Variants in ELP4 observed in about 807,000 individuals in gnomAD.
The protein encoded by ELP4 is elongator complex protein 4.
A neutral mutation model predicts 48.9 loss-of-function variants in ELP4; 51 were observed. The observed-to-expected ratio is 1.04, with a 90% CI of 0.83 to 1.32. The LOEUF (loss-of-function observed/expected upper bound fraction) is 1.32, where lower values mean the gene tolerates loss of function less well. Among genes scored for constraint, ELP4 ranks in the 40% most tolerant of loss-of-function variants. ELP4 has a pLI of 0.00. For synonymous variants in ELP4, 210 were observed against 189.2 expected, an observed-to-expected ratio of 1.11 and a Z score of -0.90; for missense variants, 519 against 514.6, an observed-to-expected ratio of 1.01 and a Z score of -0.08.
chr11:31,524,332 C>T lies in ELP4; in HGVS notation c.259+4241C>T, dbSNP rs149456370. Among the ~76,000 whole-genome samples the T allele has an allele frequency of 1.1e-4, 17 of 152,328 alleles. No homozygotes were observed. In the East Asian group the frequency reaches 2.1e-3, roughly 19 times the overall value. On this transcript the variant is annotated intron_variant, in intron 2 of 9. Transcript: ENST00000640961. ...CAAGGGAACTATCTGCTTTCAAGCTCGTGGTTGTTTACAACATTCAGCTCC... is the reference window on the plus strand; with the variant it reads ...CAAGGGAACTATCTGCTTTCAAGCTTGTGGTTGTTTACAACATTCAGCTCC...
chr11:31,688,977 T>G (rs1592224892), intron 9 of ELP4, among the ~76,000 whole-genome samples: 1 of 152,352 alleles, frequency 6.6e-6, no homozygotes, highest in Middle Eastern at 3.4e-3. Flanking sequence ...ATTTGTTAAC[T>G]TTGTCATTGA....
intron 5 of ELP4, among the ~76,000 whole-genome samples, chr11:31,622,080 GA>G: frequency 6.6e-6 from 1 of 151,684 alleles, no homozygotes; most frequent in Middle Eastern, 3.4e-3. Flanking sequence ...AAAGTGTTTT[GA>G]TTATTTACTA....
At chr11:31,573,318 T>A (rs1189056036) in intron 3 of ELP4, among the ~76,000 whole-genome samples, 1 of 152,062 alleles carries the variant, frequency 6.6e-6, no homozygotes, top group Non-Finnish European at 1.5e-5. Context: ...ATTACCCAAT[T>A]CCAAAGACAC....
intron 9 of ELP4, among the ~76,000 whole-genome samples, chr11:31,738,905 G>A (rs1947384237): frequency 6.6e-6 from 1 of 152,138 alleles, no homozygotes; most frequent in Non-Finnish European, 1.5e-5. Context: ...AATAGTGGTA[G>A]CCAGAGACTG....
At chr11:31,641,446 T>C (rs1386442792) in intron 7 of ELP4, among the ~76,000 whole-genome samples, 2 of 151,950 alleles carry the variant, frequency 1.3e-5, no homozygotes, top group African/African-American at 4.8e-5. Flanking sequence ...TTTATGTTTA[T>C]GATGCACTTA....
At chr11:31,642,378 T>C (rs894765863) in intron 7 of ELP4, among the ~76,000 whole-genome samples, 1 of 151,828 alleles carries the variant, frequency 6.6e-6, no homozygotes, top group Admixed American at 6.6e-5. Flanking sequence ...CATATCAAAA[T>C]TTAGAATATT....
chr11:31,685,479 G>C (rs920239142), intron 9 of ELP4, among the ~76,000 whole-genome samples: 2 of 152,212 alleles, frequency 1.3e-5, no homozygotes, highest in Middle Eastern at 3.4e-3. Context: ...ATTGAAATGG[G>C]TTTCAATGCA....
chr11:31,601,599 A>T (rs1399051571), intron 4 of ELP4, among the ~76,000 whole-genome samples: 1 of 152,186 alleles, frequency 6.6e-6, no homozygotes, highest in Non-Finnish European at 1.5e-5. Flanking sequence ...AAACATTAAT[A>T]GAGACGGCAA....
At chr11:31,647,180 A>G (rs1234401188) in intron 7 of ELP4, 2 of 151,792 alleles carry the variant, frequency 1.3e-5, no homozygotes, top group African/African-American at 2.4e-5. Context: ...GAGAAAACAG[A>G]AGACTTCATA....
intron 9 of ELP4, among the ~76,000 whole-genome samples, chr11:31,692,804 A>G (rs754976538): frequency 3.3e-5 from 5 of 152,254 alleles, no homozygotes; most frequent in Non-Finnish European, 7.4e-5. Context: ...TAACTTCTGC[A>G]TATCCTTCAG....
intron 3 of ELP4, among the ~76,000 whole-genome samples, chr11:31,561,530 C>T (rs560495198): frequency 8.7e-4 from 132 of 152,246 alleles, no homozygotes; most frequent in Non-Finnish European, 1.6e-3. Flanking sequence ...TACCCTCCAC[C>T]TACCGGGTTC....
chr11:31,648,682 A>G (rs957313983), intron 8 of ELP4: 1 of 151,614 alleles, frequency 6.6e-6, no homozygotes, highest in Non-Finnish European at 1.5e-5. Context: ...GAAGCCTGCT[A>G]CCAGATTTTA....
At chr11:31,772,092 C>A (rs530480666) in intron 9 of ELP4, among the ~76,000 whole-genome samples, 8 of 151,642 alleles carry the variant, frequency 5.3e-5, no homozygotes, top group African/African-American at 1.9e-4. Context: ...TCCTTAAAAG[C>A]ACCTCTCACC....
chr11:31,745,866 G>A (rs1169668945), intron 9 of ELP4, among the ~76,000 whole-genome samples: 2 of 152,090 alleles, frequency 1.3e-5, no homozygotes, highest in Non-Finnish European at 2.9e-5. Flanking sequence ...AAAAGCAATG[G>A]CAACAAAAGC....
intron 2 of ELP4, among the ~76,000 whole-genome samples, chr11:31,522,069 T>G (rs548422907): frequency 2.6e-5 from 4 of 152,302 alleles, no homozygotes; most frequent in African/African-American, 9.6e-5. Flanking sequence ...ATATGTCTTA[T>G]GAGATACTTA....
At chr11:31,731,849 A>G (rs772905608) in intron 9 of ELP4, among the ~76,000 whole-genome samples, 16 of 152,166 alleles carry the variant, frequency 1.1e-4, no homozygotes, top group Non-Finnish European at 1.6e-4. Context: ...TCATAAGACT[A>G]TCGGTGGATT....
chr11:31,558,592 T>A (rs181821071), intron 3 of ELP4, among the ~76,000 whole-genome samples: 186 of 152,314 alleles, frequency 1.2e-3, no homozygotes, highest in Non-Finnish European at 2.4e-3. Context: ...TAGATTTTAA[T>A]TTCTATGTTA....
At chr11:31,717,670 C>T (rs1272607854) in intron 9 of ELP4, among the ~76,000 whole-genome samples, 1 of 151,700 alleles carries the variant, frequency 6.6e-6, no homozygotes, top group African/African-American at 2.4e-5. Flanking sequence ...AAAAGAATCG[C>T]TTGAACCCAG....
intron 3 of ELP4, among the ~76,000 whole-genome samples, chr11:31,546,382 C>G (rs1956716598): frequency 6.6e-6 from 1 of 152,098 alleles, no homozygotes; most frequent in South Asian, 2.1e-4. Flanking sequence ...TCAAAAGGAA[C>G]AAAGAAGGCC....
Sources: allele counts gnomAD v4.1 joint callset (sites outside exome capture counted in the v4.1 genomes callset), GRCh38; gene constraint gnomAD v4.1.1; transcripts MANE v1.5; gene names NCBI Gene and HGNC (gene_info 2026-07-23, HGNC 2026-07-21).